Variants in ATRNL1 observed in about 807,000 individuals in gnomAD.
The protein encoded by ATRNL1 is attractin like 1, also known as attractin-like protein 1.
Under a neutral mutation model 182.7 loss-of-function variants are expected in ATRNL1, and 95 were observed. That is an observed-to-expected ratio of 0.52 (90% CI 0.44 to 0.62). The LOEUF is 0.62. Among genes scored for constraint, ATRNL1 ranks in the 20% least tolerant of loss-of-function variants. The pLI is 0.00. For synonymous variants in ATRNL1, 576 were observed against 568.3 expected (o/e 1.01, Z -0.19); for missense variants, 1,471 against 1,679.5 (o/e 0.88, Z 2.17).
intron 1 of ATRNL1, 113 bp downstream of exon 1, chr10:115,094,156 C>G (rs1256026169): frequency 9.1e-7 from 1 of 1,102,930 alleles, no homozygotes; most frequent in Non-Finnish European, 1.2e-6. Context: ...ATCCCCCGGC[C>G]GTGAGTGAAC....
chr10:115,884,770 C>G (rs1460806303), intron 28 of ATRNL1, among the ~76,000 whole-genome samples: 7 of 152,128 alleles, frequency 4.6e-5, no homozygotes, highest in Non-Finnish European at 8.8e-5. Flanking sequence ...TCCCAGGTAC[C>G]TGGGAATAGT....
At chr10:115,355,475 GTCT>G (rs1856463178) in intron 19 of ATRNL1, among the ~76,000 whole-genome samples, 1 of 152,078 alleles carries the variant, frequency 6.6e-6, no homozygotes. Context: ...GTCCCTTTCT[GTCT>G]TTTCCAGAAG....
At chr10:115,755,536 A>G (rs1555071747) in intron 27 of ATRNL1, among the ~76,000 whole-genome samples, 1 of 152,106 alleles carries the variant, frequency 6.6e-6, no homozygotes, top group Non-Finnish European at 1.5e-5. Flanking sequence ...ATCATGGTGG[A>G]TAAGCTTTTT....
intron 27 of ATRNL1, among the ~76,000 whole-genome samples, chr10:115,781,858 T>A (rs953693857): frequency 5.9e-5 from 9 of 152,210 alleles, no homozygotes; most frequent in African/African-American, 2.2e-4. Flanking sequence ...AAAAGTAATC[T>A]TTCTCCACGG....
intron 25 of ATRNL1, among the ~76,000 whole-genome samples, chr10:115,536,996 G>A (rs1592813057): frequency 6.6e-6 from 1 of 152,110 alleles, no homozygotes; most frequent in East Asian, 1.9e-4. Flanking sequence ...TTATGATGAT[G>A]GATATGGTAA....
chr10:115,532,229 A>G (rs1487528725), intron 25 of ATRNL1, among the ~76,000 whole-genome samples: 1 of 152,108 alleles, frequency 6.6e-6, no homozygotes, highest in East Asian at 1.9e-4. Context: ...CAGTATGGCC[A>G]TTTTCATGAT....
Position 115,600,929 on chromosome 10 carries a change from CT to C in ATRNL1, c.3795+51411del, listed in dbSNP as rs58476140. Among the ~76,000 whole-genome samples, 786 of 129,754 alleles carry C rather than the reference CT, an allele frequency of 6.1e-3. 2 individuals carry two copies. Among genetic ancestry groups the C allele is most frequent in the Middle Eastern group, 0.012 (3 of 252 alleles). 85.1% of individuals were successfully genotyped at this position (129,754 alleles called of 152,430 possible). On this transcript the variant is annotated intron_variant, in intron 26 of 28. Transcript: ENST00000355044. ...AGTAAGGATTGAGGTTTTTTATTTTCTTTTTTTTTTTTTTTTTTGCCCTGTA... is the reference window on the plus strand; with the variant it reads ...AGTAAGGATTGAGGTTTTTTATTTTCTTTTTTTTTTTTTTTTTGCCCTGTA...
chr10:115,648,331 C>T (rs898543434), intron 26 of ATRNL1, among the ~76,000 whole-genome samples: 1 of 152,164 alleles, frequency 6.6e-6, no homozygotes, highest in Admixed American at 6.6e-5. Context: ...AGGAAGATTC[C>T]ATGCTCATGG....
At position 115,716,959 on chromosome 10, in the gene ATRNL1, A is replaced by G. The variant is rs575739656; in HGVS notation, c.3796-10289A>G. On this transcript the variant is annotated intron_variant, in intron 26 of 28. Transcript: ENST00000355044. Reference sequence around the variant, plus strand: ...TCGAGTGCAGATTTCAAAATTTGAAATTAACCAGGTTCTCATTTTTGCTCT... The same window carrying G: ...TCGAGTGCAGATTTCAAAATTTGAAGTTAACCAGGTTCTCATTTTTGCTCT... Among the ~76,000 whole-genome samples, 4 of 152,302 alleles carry G rather than the reference A, an allele frequency of 2.6e-5. No individual in the cohort carries two copies. The South Asian group carries it at 8.3e-4, about 32-fold the overall frequency.
At chr10:115,366,158 T>G (rs1857025625) in intron 19 of ATRNL1, among the ~76,000 whole-genome samples, 1 of 152,304 alleles carries the variant, frequency 6.6e-6, no homozygotes, top group South Asian at 2.1e-4. Flanking sequence ...AGTCTGAGTC[T>G]CTTTGTAGGT....
intron 26 of ATRNL1, among the ~76,000 whole-genome samples, chr10:115,686,107 T>C (rs1946210425): frequency 6.6e-6 from 1 of 151,862 alleles, no homozygotes; most frequent in Non-Finnish European, 1.5e-5. Context: ...AATAATTGAA[T>C]AATATTTTTA....
intron 19 of ATRNL1, among the ~76,000 whole-genome samples, chr10:115,341,171 C>T (rs1855737034): frequency 6.6e-6 from 1 of 151,958 alleles, no homozygotes. Context: ...TAGACACTTC[C>T]TCTTAGTATT....
intron 21 of ATRNL1, among the ~76,000 whole-genome samples, chr10:115,454,443 G>T (rs1013563773): frequency 3.1e-4 from 47 of 151,924 alleles, no homozygotes; most frequent in Admixed American, 6.6e-5. Context: ...GTAAAAAAAG[G>T]CACTGAGATT....
intron 26 of ATRNL1, among the ~76,000 whole-genome samples, chr10:115,572,820 T>C (rs1854477737): frequency 6.6e-6 from 1 of 152,180 alleles, no homozygotes; most frequent in Non-Finnish European, 1.5e-5. Flanking sequence ...GAGAGTTCCC[T>C]GATTCCCCTT....
At chr10:115,427,043 A>C (rs1045916293) in intron 21 of ATRNL1, among the ~76,000 whole-genome samples, 20 of 152,150 alleles carry the variant, frequency 1.3e-4, no homozygotes, top group African/African-American at 4.8e-4. Flanking sequence ...TTTTAAAGAA[A>C]CAGCCAAATG....
intron 20 of ATRNL1, among the ~76,000 whole-genome samples, chr10:115,412,373 A>G (rs1845182904): frequency 6.6e-6 from 1 of 152,178 alleles, no homozygotes; most frequent in East Asian, 1.9e-4. Context: ...GCAGGATTAC[A>G]GTGGACCCTA....
In ATRNL1 at chr10:115,316,301, T is replaced by C. The variant is rs181954866; in HGVS notation, c.3037+565T>C. Among the ~76,000 whole-genome samples, 86 of 152,352 alleles carry C rather than the reference T, an allele frequency of 5.6e-4. 1 individual carries two copies. In the East Asian group the frequency reaches 0.011, roughly 19 times the overall value. On this transcript the variant is annotated intron_variant, in intron 18 of 28. Coordinates refer to ENST00000355044, the MANE Select transcript of ATRNL1 (RefSeq NM_207303.4). ...AAGGACATGATCTCATTACTTTTTA[T>C]GGCTATGCAGTATTCCATGGTGTAT...
chr10:115,824,009 A>G (rs992301413), intron 27 of ATRNL1, among the ~76,000 whole-genome samples: 2 of 152,090 alleles, frequency 1.3e-5, no homozygotes, highest in African/African-American at 4.8e-5. Flanking sequence ...GAGGCATCAC[A>G]CTACCTGACT....
chr10:115,472,714 GT>G (rs1848360875), intron 24 of ATRNL1, among the ~76,000 whole-genome samples: 1 of 151,000 alleles, frequency 6.6e-6, no homozygotes, highest in Admixed American at 6.6e-5. Flanking sequence ...ACTTGACTGA[GT>G]TTTTTATTCT....
Sources: gnomAD v4.1 joint callset for allele counts (sites outside exome capture counted in the v4.1 genomes callset) on GRCh38, gnomAD v4.1.1 for gene constraint, MANE v1.5 for transcripts, NCBI Gene and HGNC (gene_info 2026-07-23, HGNC 2026-07-21) for gene names.